The following COMMD1 variants were observed in gnomAD, a reference collection of about 807,000 sequenced individuals.
The protein encoded by COMMD1 is copper metabolism domain containing 1, also known as COMM domain-containing protein 1.
A neutral mutation model predicts 17.2 loss-of-function variants in COMMD1; 10 were observed. The ratio of observed to expected loss-of-function variants is 0.58; its 90% CI spans 0.36 to 0.99. The LOEUF (loss-of-function observed/expected upper bound fraction) is 0.99, where lower values mean the gene tolerates loss of function less well. Ranked by LOEUF, COMMD1 falls within the 50% of genes least tolerant of loss-of-function variation. The probability of loss-of-function intolerance (pLI) is 0.01; values close to 1 mark genes in which losing one functional copy is unlikely to be tolerated. For synonymous variants in COMMD1, 97 were observed against 91.6 expected (o/e 1.06, Z -0.34); for missense variants, 270 against 231.8 (o/e 1.17, Z -1.07).
intron 2 of COMMD1, among the ~76,000 whole-genome samples, chr2:62,041,786 T>C (rs1024133454): frequency 2.0e-5 from 3 of 152,184 alleles, no homozygotes; most frequent in Non-Finnish European, 4.4e-5. Flanking sequence ...TGTTCAGATG[T>C]GTCCGGAGTT....
At chr2:62,092,454 CA>C (rs1262205025) in intron 2 of COMMD1, among the ~76,000 whole-genome samples, 1 of 152,088 alleles carries the variant, frequency 6.6e-6, no homozygotes, top group Non-Finnish European at 1.5e-5. Flanking sequence ...TTCAGAAGTC[CA>C]GGGGCGGTCA....
intron 1 of COMMD1, among the ~76,000 whole-genome samples, chr2:61,978,357 A>G (rs892565401): frequency 2.0e-5 from 3 of 151,200 alleles, no homozygotes; most frequent in African/African-American, 7.3e-5. Context: ...AGAATAAATT[A>G]ATGGTTGTAC....
At chr2:62,013,587 A>AT (rs1669349755) in intron 2 of COMMD1, among the ~76,000 whole-genome samples, 1 of 152,252 alleles carries the variant, frequency 6.6e-6, no homozygotes, top group Admixed American at 6.5e-5. Context: ...ACAGTGGTCC[A>AT]GGTGAGATAA....
intron 2 of COMMD1, among the ~76,000 whole-genome samples, chr2:62,095,008 C>A (rs1165981060): frequency 6.6e-6 from 1 of 152,190 alleles, no homozygotes; most frequent in Non-Finnish European, 1.5e-5. Context: ...GTCAAGCTGA[C>A]CAACTTCTTT....
intron 1 of COMMD1, among the ~76,000 whole-genome samples, chr2:61,974,263 A>G (rs1036713000): frequency 1.3e-5 from 2 of 152,218 alleles, no homozygotes; most frequent in African/African-American, 4.8e-5. Flanking sequence ...AGCCTGGGCA[A>G]CAGAGTGAGA....
chr2:62,090,611 G>A (rs1671799415), intron 2 of COMMD1: 1 of 152,232 alleles, frequency 6.6e-6, no homozygotes, highest in South Asian at 2.1e-4. Context: ...ATTTGGAAGA[G>A]AAAAGGAAGT....
chr2:62,135,394 A>AG lies in COMMD1; in HGVS notation c.463-435dup, dbSNP rs1016550051. ...GAGATGGACTCTCACTCTCTCCCCC[A>AG]GGCTGGAGTGCAGTGGCCCGATCTC... On this transcript the variant is annotated intron_variant, in intron 2 of 2. Coordinates refer to ENST00000311832, the MANE Select transcript of COMMD1 (RefSeq NM_152516.4). 6.0e-5 allele frequency among the ~76,000 whole-genome samples: 9 copies of AG among 149,558 alleles called. No individual in the cohort carries two copies. The Admixed American group carries it at 6.1e-4, about 10-fold the overall frequency.
chr2:62,053,043 G>T (rs952828095), intron 2 of COMMD1, among the ~76,000 whole-genome samples: 8 of 152,128 alleles, frequency 5.3e-5, no homozygotes, highest in African/African-American at 1.9e-4. Flanking sequence ...TCACACCACT[G>T]CACTCCAGCC....
At chr2:61,963,186 T>A (rs1274301772) in intron 1 of COMMD1, among the ~76,000 whole-genome samples, 1 of 120,658 alleles carries the variant, frequency 8.3e-6, no homozygotes, top group African/African-American at 4.0e-5. Flanking sequence ...ATATATATAT[T>A]ATATACACAC....
chr2:62,084,037 A>C (rs1266638408), intron 2 of COMMD1, among the ~76,000 whole-genome samples: 1 of 152,228 alleles, frequency 6.6e-6, no homozygotes, highest in Non-Finnish European at 1.5e-5. Context: ...AGCAATTCTT[A>C]AAACTCTGGT....
intron 2 of COMMD1, among the ~76,000 whole-genome samples, chr2:62,089,700 A>G (rs182704177): frequency 1.3e-5 from 2 of 152,314 alleles, no homozygotes; most frequent in Admixed American, 1.3e-4. Flanking sequence ...GTCACAATAT[A>G]TAGGGTTAAA....
intron 1 of COMMD1, among the ~76,000 whole-genome samples, chr2:61,921,208 G>T (rs1304556481): frequency 7.2e-5 from 11 of 152,064 alleles, no homozygotes; most frequent in Non-Finnish European, 1.5e-4. Flanking sequence ...GACCTCAAGA[G>T]ATCCACCCAC....
chr2:62,083,454 C>G (rs1382100149), intron 2 of COMMD1, among the ~76,000 whole-genome samples: 1 of 152,232 alleles, frequency 6.6e-6, no homozygotes, highest in Non-Finnish European at 1.5e-5. Context: ...CAGACTTGCC[C>G]ATGGGCTGAA....
At chr2:61,960,136 C>CGTGT (rs1558537616) in intron 1 of COMMD1, among the ~76,000 whole-genome samples, 5 of 143,924 alleles carry the variant, frequency 3.5e-5, no homozygotes, top group African/African-American at 1.3e-4. Flanking sequence ...TGTGTGTGTA[C>CGTGT]ACACACACTG....
rs1238073473 is a variant in COMMD1, at chr2:61,913,560, A to AGCTCTACTAAAAAATTG, written c.180+7715_180+7716insATTGGCTCTACTAAAAA. The stretch of plus-strand genomic sequence containing the variant: ...ACTAAATTAGCTCTACTAAAAAATT[A>AGCTCTACTAAAAAATTG]GCTCTACTAAAAATTGGCTCTACTA... On this transcript the variant is annotated intron_variant, in intron 1 of 2. Coordinates refer to ENST00000311832, the MANE Select transcript of COMMD1 (RefSeq NM_152516.4). Among the ~76,000 whole-genome samples the AGCTCTACTAAAAAATTG allele has an allele frequency of 3.8e-3, 571 of 151,680 alleles. 3 individuals carry two copies. The highest frequency in any genetic ancestry group is 6.1e-3 in the Non-Finnish European group (416 of 67,916).
At chr2:61,893,102 G>A (rs1669474339) in intron 1 of COMMD1, among the ~76,000 whole-genome samples, 1 of 152,082 alleles carries the variant, frequency 6.6e-6, no homozygotes, top group African/African-American at 2.4e-5. Context: ...CCCGACCACA[G>A]GTGATCTGCC....
intron 2 of COMMD1, among the ~76,000 whole-genome samples, chr2:62,054,174 G>T (rs574356919): frequency 6.6e-6 from 1 of 152,272 alleles, no homozygotes; most frequent in East Asian, 1.9e-4. Flanking sequence ...CCCAGTCAGA[G>T]TGCCTATTAC....
At chr2:62,128,110 T>C (rs559974876) in intron 2 of COMMD1, among the ~76,000 whole-genome samples, 1 of 151,624 alleles carries the variant, frequency 6.6e-6, no homozygotes, top group South Asian at 2.1e-4. Flanking sequence ...GGTGGATCAT[T>C]TGAGATCAGA....
chr2:61,919,546 T>G (rs568026900), intron 1 of COMMD1, among the ~76,000 whole-genome samples: 1 of 150,108 alleles, frequency 6.7e-6, no homozygotes, highest in South Asian at 2.1e-4. Context: ...TCATCGCGTT[T>G]TTTTTTTTTT....
Sources: allele counts gnomAD v4.1 joint callset (sites outside exome capture counted in the v4.1 genomes callset), GRCh38; gene constraint gnomAD v4.1.1; transcripts MANE v1.5; gene names NCBI Gene and HGNC (gene_info 2026-07-23, HGNC 2026-07-21).